The following FTCDNL1 variants were observed in gnomAD, a reference collection of about 807,000 sequenced individuals.
The protein encoded by FTCDNL1 is formiminotransferase cyclodeaminase N-terminal like, also known as formiminotransferase N-terminal subdomain-containing protein.
Under a neutral mutation model 5.9 loss-of-function variants are expected in FTCDNL1, and 11 were observed. That is an observed-to-expected ratio of 1.87 (90% CI 1.18 to 3.10). The LOEUF is 3.10. FTCDNL1 is among the 30% of genes most tolerant of loss of function. The pLI is 0.00. For missense variants in FTCDNL1, 115 were observed against 65.5 expected (o/e 1.76, Z -2.61); for synonymous variants, 58 against 24.8 (o/e 2.34, Z -3.99).
At chr2:199,679,177 T>C in the FTCDNL1 span, among the ~76,000 whole-genome samples, 1 of 152,154 alleles carries the variant, frequency 6.6e-6, no homozygotes, top group Non-Finnish European at 1.5e-5. Context: ...TATTTAATAT[T>C]GAATATTTTT....
rs1485493290 is a variant in FTCDNL1, at chr2:199,811,408, T to C, written c.*1297A>G. ...CCTATTTTGACTCAAGGAATGGTAA[T>C]ATCTTTACCATCGTTCCAACAAATA... is the stretch of plus-strand genomic sequence containing the variant. On this transcript the variant is annotated 3_prime_UTR_variant, in exon 5 of 5. Coordinates refer to ENST00000420128, the MANE Select transcript of FTCDNL1 (RefSeq NM_001363886.2). Among the ~76,000 whole-genome samples the C allele has an allele frequency of 3.3e-5, 5 of 152,230 alleles. No homozygotes were observed. Among genetic ancestry groups the C allele is most frequent in the Admixed American group, 3.3e-4 (5 of 15,288 alleles).
At chr2:199,762,519 G>A (rs1698319365) in intron 3 of FTCDNL1, among the ~76,000 whole-genome samples, 1 of 152,166 alleles carries the variant, frequency 6.6e-6, no homozygotes, top group Non-Finnish European at 1.5e-5. Context: ...TAAGTTCCAG[G>A]AAAACTGGGG....
chr2:199,751,411 G>A, the FTCDNL1 span, among the ~76,000 whole-genome samples: 1 of 152,202 alleles, frequency 6.6e-6, no homozygotes, highest in South Asian at 2.1e-4. Flanking sequence ...AGACATGACT[G>A]AAGGCTATGA....
At chr2:199,755,117 A>G in the FTCDNL1 span, among the ~76,000 whole-genome samples, 2 of 152,200 alleles carry the variant, frequency 1.3e-5, no homozygotes, top group East Asian at 1.9e-4. Flanking sequence ...CCAAAAGAGG[A>G]GAAATGATTG....
chr2:199,706,957 G>T, the FTCDNL1 span, among the ~76,000 whole-genome samples: 1 of 152,212 alleles, frequency 6.6e-6, no homozygotes, highest in South Asian at 2.1e-4. Context: ...GTTGACATAG[G>T]GATCTGGGCT....
At chr2:199,760,343 A>G (rs1698214363), downstream of FTCDNL1, among the ~76,000 whole-genome samples, 2 of 152,206 alleles carry the variant, frequency 1.3e-5, no homozygotes. Flanking sequence ...CAAACATAGC[A>G]GTTAACTGGA....
chr2:199,755,274 C>T, the FTCDNL1 span, among the ~76,000 whole-genome samples: 1 of 152,196 alleles, frequency 6.6e-6, no homozygotes, highest in Non-Finnish European at 1.5e-5. Flanking sequence ...TGTTTAGAGT[C>T]TACATTTCCA....
chr2:199,750,213 C>A, the FTCDNL1 span, among the ~76,000 whole-genome samples: 3 of 151,582 alleles, frequency 2.0e-5, no homozygotes, highest in African/African-American at 7.3e-5. Context: ...AAAAATTAGC[C>A]GAGCTTGGTG....
intron 3 of FTCDNL1, among the ~76,000 whole-genome samples, chr2:199,796,169 A>T (rs1438358459): frequency 2.0e-5 from 3 of 152,220 alleles, no homozygotes; most frequent in African/African-American, 4.8e-5. Context: ...AACAGAATTA[A>T]AAACAAGGTT....
intron 3 of FTCDNL1, among the ~76,000 whole-genome samples, chr2:199,825,937 T>C (rs1214269499): frequency 1.3e-5 from 2 of 152,204 alleles, no homozygotes; most frequent in Middle Eastern, 3.2e-3. Context: ...AGGTTAGAAC[T>C]AAATTCTGAC....
the FTCDNL1 span, among the ~76,000 whole-genome samples, chr2:199,672,222 C>T: frequency 6.6e-6 from 1 of 152,124 alleles, no homozygotes; most frequent in East Asian, 1.9e-4. Flanking sequence ...TTCTTGGTAG[C>T]TCTGAAAGGC....
the FTCDNL1 span, among the ~76,000 whole-genome samples, chr2:199,702,949 T>C: frequency 2.4e-4 from 36 of 151,954 alleles, no homozygotes; most frequent in Admixed American, 1.4e-3. Context: ...AGGAGGGTGA[T>C]TGAGTGGGAG....
chr2:199,699,708 A>C, the FTCDNL1 span, among the ~76,000 whole-genome samples: 5 of 152,244 alleles, frequency 3.3e-5, no homozygotes, highest in Admixed American at 2.0e-4. Context: ...ACCATGATCA[A>C]GTAGGCTTTG....
chr2:199,664,043 TA>T, the FTCDNL1 span, among the ~76,000 whole-genome samples: 303 of 138,208 alleles, frequency 2.2e-3, 1 homozygote, highest in African/African-American at 4.9e-3. Context: ...GTTTTCTGTT[TA>T]AAAAAAAAAA....
At chr2:199,796,433 C>T in intron 3 of FTCDNL1, among the ~76,000 whole-genome samples, 1 of 152,152 alleles carries the variant, frequency 6.6e-6, no homozygotes, top group Admixed American at 6.6e-5. Flanking sequence ...ACGGTACCGT[C>T]ACTGAAGTCA....
At chr2:199,724,178 G>A in the FTCDNL1 span, among the ~76,000 whole-genome samples, 2 of 152,292 alleles carry the variant, frequency 1.3e-5, no homozygotes, top group Non-Finnish European at 2.9e-5. Flanking sequence ...GCACAGAGGT[G>A]TTTATAGTAT....
At chr2:199,723,536 T>C in the FTCDNL1 span, among the ~76,000 whole-genome samples, 2 of 152,090 alleles carry the variant, frequency 1.3e-5, no homozygotes, top group African/African-American at 4.8e-5. Context: ...AAAATGGCTC[T>C]TATTGTTTTG....
the FTCDNL1 span, among the ~76,000 whole-genome samples, chr2:199,731,596 A>C: frequency 1.3e-5 from 2 of 152,312 alleles, no homozygotes; most frequent in South Asian, 4.1e-4. Context: ...TTAAGAGCTA[A>C]TAAATTATCC....
chr2:199,683,453 C>T, the FTCDNL1 span, among the ~76,000 whole-genome samples: 152,014 of 152,050 alleles, frequency 1, 75,989 homozygotes, highest in Non-Finnish European at 1. Context: ...ATCCAGTGTA[C>T]CATGTAGAGG....
Sources: gnomAD v4.1 joint callset for allele counts (sites outside exome capture counted in the v4.1 genomes callset) on GRCh38, gnomAD v4.1.1 for gene constraint, MANE v1.5 for transcripts, NCBI Gene and HGNC (gene_info 2026-07-23, HGNC 2026-07-21) for gene names.